The following NTNG1 variants were observed in gnomAD, a reference collection of about 807,000 sequenced individuals.
NTNG1 encodes the protein netrin-G1.
In NTNG1, 16 loss-of-function variants were observed where a neutral mutation model predicts 54.0. The ratio of observed to expected loss-of-function variants is 0.30; its 90% CI spans 0.20 to 0.45. The LOEUF (loss-of-function observed/expected upper bound fraction) is 0.45. Ranked by LOEUF, NTNG1 falls within the 20% of genes least tolerant of loss-of-function variation. NTNG1 has a pLI of 1.00. For synonymous variants in NTNG1, 255 were observed against 263.1 expected (o/e 0.97, Z 0.30); for missense variants, 530 against 678.7 (o/e 0.78, Z 2.43).
intron 3 of NTNG1, among the ~76,000 whole-genome samples, chr1:107,389,280 T>G (rs1013841111): frequency 6.6e-6 from 1 of 152,188 alleles, no homozygotes; most frequent in Non-Finnish European, 1.5e-5. Flanking sequence ...GCATTCATGT[T>G]TTTCTTCACA....
rs888739243 is a variant in NTNG1 at position 107,409,882 on chromosome 1, C to G, written c.1087+2174C>G. 3 of 152,078 alleles carry G rather than the reference C, an allele frequency of 2.0e-5. No individual in the cohort carries two copies. The East Asian group carries it at 5.8e-4, about 29-fold the overall frequency. The allele number at this position is 152,078 out of a possible 1,614,324, so 9.4% of individuals were successfully genotyped here. ...TCTTCTAGGCTGCTTTAATGGCATTCGAAAGTTCCTTCTTTGTGGGCTTAT... is the reference window on the plus strand; with the variant it reads ...TCTTCTAGGCTGCTTTAATGGCATTGGAAAGTTCCTTCTTTGTGGGCTTAT... On this transcript the variant is annotated intron_variant, in intron 5 of 7. Coordinates refer to ENST00000370068, the MANE Select transcript of NTNG1 (RefSeq NM_001113226.3).
chr1:107,266,454 A>T (rs149431479), intron 2 of NTNG1, among the ~76,000 whole-genome samples: 1 of 152,088 alleles, frequency 6.6e-6, no homozygotes, highest in African/African-American at 2.4e-5. Context: ...AAGGTGCTAC[A>T]TTCTGTTTAG....
chr1:107,470,284 G>C (rs974326809), intron 7 of NTNG1, among the ~76,000 whole-genome samples: 2 of 152,008 alleles, frequency 1.3e-5, no homozygotes, highest in Non-Finnish European at 2.9e-5. Flanking sequence ...CTAAGTAAAA[G>C]ACACATATTT....
intron 2 of NTNG1, among the ~76,000 whole-genome samples, chr1:107,260,099 G>A (rs1435748320): frequency 6.6e-6 from 1 of 152,148 alleles, no homozygotes; most frequent in Non-Finnish European, 1.5e-5. Context: ...TAAAATTTTG[G>A]CCATGTCTCT....
intron 2 of NTNG1, among the ~76,000 whole-genome samples, chr1:107,225,522 A>G (rs1660616405): frequency 6.6e-6 from 1 of 152,130 alleles, no homozygotes; most frequent in Non-Finnish European, 1.5e-5. Context: ...TGAGTGCCTG[A>G]TGAATCACTT....
intron 3 of NTNG1, among the ~76,000 whole-genome samples, chr1:107,385,114 G>A (rs1671877758): frequency 6.6e-6 from 1 of 152,078 alleles, no homozygotes; most frequent in African/African-American, 2.4e-5. Context: ...GATAATAATA[G>A]CTTATATTTA....
intron 5 of NTNG1, 102 bp from the exon 6 acceptor site, chr1:107,430,648 T>TTCCACCG (rs773554107): frequency 8.5e-7 from 1 of 1,180,332 alleles, no homozygotes; most frequent in South Asian, 1.2e-5. Context: ...TGTAATGCCA[T>TTCCACCG]TCCACCGTCT....
intron 3 of NTNG1, among the ~76,000 whole-genome samples, chr1:107,356,199 T>G (rs1669921584): frequency 6.6e-6 from 1 of 152,204 alleles, no homozygotes; most frequent in Non-Finnish European, 1.5e-5. Context: ...TTTAAGAAAT[T>G]TTAATCCGAT....
chr1:107,421,086 G>T, intron 5 of NTNG1: 1 of 1,606,812 alleles, frequency 6.2e-7, no homozygotes. Context: ...CTATCCAGTT[G>T]CTCCCAAATT....
chr1:107,179,586 T>C (rs1255284652), intron 2 of NTNG1, among the ~76,000 whole-genome samples: 1 of 152,134 alleles, frequency 6.6e-6, no homozygotes, highest in Non-Finnish European at 1.5e-5. Flanking sequence ...AGTAGATTTG[T>C]TTTTGTTTTT....
At chr1:107,140,182 G>A (rs1158875008), upstream of NTNG1, 1 of 152,866 alleles carries the variant, frequency 6.5e-6, no homozygotes, top group African/African-American at 2.4e-5. Context: ...GGACCGCTCG[G>A]AGCGCACAGG....
chr1:107,259,787 T>A (rs1277013127), intron 2 of NTNG1, among the ~76,000 whole-genome samples: 1 of 152,216 alleles, frequency 6.6e-6, no homozygotes, highest in Non-Finnish European at 1.5e-5. Context: ...ACATATATCT[T>A]TCGCAGACTG....
chr1:107,429,219 T>C (rs139909399), intron 5 of NTNG1, among the ~76,000 whole-genome samples: 1 of 152,236 alleles, frequency 6.6e-6, no homozygotes, highest in East Asian at 1.9e-4. Flanking sequence ...CTCTTCACCA[T>C]TTGAGTATCC....
At chr1:107,465,076 G>A (rs1677516585) in intron 7 of NTNG1, among the ~76,000 whole-genome samples, 1 of 152,074 alleles carries the variant, frequency 6.6e-6, no homozygotes. Flanking sequence ...TGCTAACAAA[G>A]GGACTTTTTT....
intron 3 of NTNG1, among the ~76,000 whole-genome samples, chr1:107,363,678 T>C (rs1307550884): frequency 6.6e-6 from 1 of 152,162 alleles, no homozygotes; most frequent in Non-Finnish European, 1.5e-5. Flanking sequence ...TATATAAAGA[T>C]TGCTTCTCCT....
intron 7 of NTNG1, among the ~76,000 whole-genome samples, chr1:107,463,766 T>C (rs563718910): frequency 3.3e-5 from 5 of 152,280 alleles, no homozygotes; most frequent in African/African-American, 1.2e-4. Flanking sequence ...ATTATGTCCT[T>C]AGGAGTCATT....
At chr1:107,253,488 C>A (rs1662741136) in intron 2 of NTNG1, among the ~76,000 whole-genome samples, 1 of 152,166 alleles carries the variant, frequency 6.6e-6, no homozygotes, top group African/African-American at 2.4e-5. Flanking sequence ...GAAAATCAGC[C>A]AACTCTTGTA....
chr1:107,197,413 A>G (rs2101249259), intron 2 of NTNG1, among the ~76,000 whole-genome samples: 1 of 152,196 alleles, frequency 6.6e-6, no homozygotes, highest in African/African-American at 2.4e-5. Flanking sequence ...ACTGTGTGGC[A>G]GATGAAGCAA....
intron 2 of NTNG1, among the ~76,000 whole-genome samples, chr1:107,306,951 A>C (rs1187042886): frequency 6.6e-6 from 1 of 152,212 alleles, no homozygotes; most frequent in African/African-American, 2.4e-5. Context: ...GATTCAGCTC[A>C]TAAAGTCAAA....
Sources: allele counts gnomAD v4.1 joint callset (sites outside exome capture counted in the v4.1 genomes callset), GRCh38; gene constraint gnomAD v4.1.1; transcripts MANE v1.5; gene names NCBI Gene and HGNC (gene_info 2026-07-23, HGNC 2026-07-21).